FBRSL1: variants seen among roughly 807,000 people sequenced by gnomAD.
FBRSL1 encodes fibrosin-1-like protein.
A neutral mutation model predicts 89.6 loss-of-function variants in FBRSL1; 51 were observed. That is an observed-to-expected ratio of 0.57 (90% CI 0.45 to 0.72). The LOEUF (loss-of-function observed/expected upper bound fraction) is 0.72, where lower values mean the gene tolerates loss of function less well. Ranked by LOEUF, FBRSL1 falls within the 30% of genes least tolerant of loss-of-function variation. The probability of loss-of-function intolerance (pLI) is 0.00; values close to 1 mark genes in which losing one functional copy is unlikely to be tolerated. For synonymous variants in FBRSL1, 779 were observed against 681.1 expected (o/e 1.14, Z -2.24); for missense variants, 1,618 against 1,451.8 (o/e 1.11, Z -1.86).
At chr12:132,567,060 G>C (rs894152037) in intron 5 of FBRSL1, among the ~76,000 whole-genome samples, 2 of 152,176 alleles carry the variant, frequency 1.3e-5, no homozygotes, top group East Asian at 1.9e-4. Flanking sequence ...GGTGTGTCCC[G>C]GGGCTCTCCA....
intron 2 of FBRSL1, among the ~76,000 whole-genome samples, chr12:132,514,177 G>C (rs1333331382): frequency 1.3e-5 from 2 of 152,192 alleles, no homozygotes; most frequent in Non-Finnish European, 2.9e-5. Context: ...GGGATAGCAT[G>C]CTGGGCGACT....
intron 1 of FBRSL1, among the ~76,000 whole-genome samples, chr12:132,491,193 C>T (rs1412696368): frequency 1.3e-5 from 2 of 152,226 alleles, no homozygotes; most frequent in African/African-American, 4.8e-5. Context: ...ATCGCTCTGC[C>T]TGGTTCAGGA....
chr12:132,528,834 G>T (rs1187958235), intron 4 of FBRSL1, among the ~76,000 whole-genome samples: 2 of 151,460 alleles, frequency 1.3e-5, no homozygotes, highest in Non-Finnish European at 2.9e-5. Flanking sequence ...TGTGTTTCAG[G>T]GTGTGCCATG....
chr12:132,529,837 G>A (rs1158725645), intron 4 of FBRSL1, among the ~76,000 whole-genome samples: 1 of 152,222 alleles, frequency 6.6e-6, no homozygotes, highest in East Asian at 1.9e-4. Context: ...CTGTTGACCT[G>A]GGGTGGCTGG....
intron 2 of FBRSL1, among the ~76,000 whole-genome samples, chr12:132,522,250 G>C (rs1029622290): frequency 6.6e-6 from 1 of 152,138 alleles, no homozygotes; most frequent in African/African-American, 2.4e-5. Flanking sequence ...AGGCCAGGCC[G>C]CACCTGAGCC....
At chr12:132,511,027 G>C in intron 2 of FBRSL1, 1 of 986,600 alleles carries the variant, frequency 1.0e-6, no homozygotes, top group Non-Finnish European at 1.2e-6. Context: ...TGCAGTTCCT[G>C]CAGAGTGGCC....
Position 132,584,817 on chromosome 12 carries a change from TTTACACAC to T in FBRSL1, c.*1040_*1047del, listed in dbSNP as rs35704424. On this transcript the variant is annotated 3_prime_UTR_variant, in exon 19 of 19. Coordinates refer to ENST00000680143, the MANE Select transcript of FBRSL1 (RefSeq NM_001367871.1). ...GAAGTGCAAGAGTCTAAAGGCTGAT[TTTACACAC>T]ACACACACACACACACACACACACA... 12,568 of 121,610 alleles carry T rather than the reference TTTACACAC, an allele frequency of 0.1. 1,165 individuals carry two copies. Among genetic ancestry groups the T allele is most frequent in the African/African-American group, 0.28 (9,599 of 34,068 alleles). The allele number at this position is 121,610 out of a possible 1,614,324, so 7.5% of individuals were successfully genotyped here.
chr12:132,564,598 C>T (rs2039435928), intron 5 of FBRSL1, among the ~76,000 whole-genome samples: 1 of 126,598 alleles, frequency 7.9e-6, no homozygotes, highest in South Asian at 2.8e-4. Flanking sequence ...CGGGTTCACG[C>T]CATTCTCCTG....
At chr12:132,549,644 G>A (rs1048730574) in intron 5 of FBRSL1, among the ~76,000 whole-genome samples, 3 of 152,184 alleles carry the variant, frequency 2.0e-5, no homozygotes, top group Middle Eastern at 3.2e-3. Context: ...TCCCCTCCCC[G>A]CCTGCCTTAC....
chr12:132,584,518 A>AGTT lies in FBRSL1; in HGVS notation c.*741_*743dup, dbSNP rs1228039926. On this transcript the variant is annotated 3_prime_UTR_variant, in exon 19 of 19. Coordinates refer to ENST00000680143, the MANE Select transcript of FBRSL1 (RefSeq NM_001367871.1). The stretch of plus-strand genomic sequence containing the variant: ...GCTGCTGGCTGTAAACATTATCAGA[A>AGTT]GTTTAATGGCAGCAACTTTCCTTCA... 2.0e-5 allele frequency: 3 copies of AGTT among 152,244 alleles called. No homozygotes were observed. The highest frequency in any genetic ancestry group is 4.4e-5 in the Non-Finnish European group (3 of 68,046). The allele number at this position is 152,244 out of a possible 1,614,324, so 9.4% of individuals were successfully genotyped here.
chr12:132,558,431 G>A (rs950987883), intron 5 of FBRSL1, among the ~76,000 whole-genome samples: 3 of 152,246 alleles, frequency 2.0e-5, no homozygotes, highest in Admixed American at 6.5e-5. Context: ...TGTGGCTTGC[G>A]GCATGCAGTG....
At chr12:132,581,017 A>G in intron 15 of FBRSL1, 1 of 985,486 alleles carries the variant, frequency 1.0e-6, no homozygotes, top group Non-Finnish European at 1.2e-6. Flanking sequence ...AACCGTGTCC[A>G]TCCAGGCCTG....
chr12:132,561,481 G>T (rs973109961), intron 5 of FBRSL1, among the ~76,000 whole-genome samples: 10 of 152,136 alleles, frequency 6.6e-5, no homozygotes, highest in African/African-American at 2.4e-4. Context: ...TTACCCTAGA[G>T]ACGAGGGCCG....
chr12:132,575,375 C>T (rs756155089), intron 14 of FBRSL1, among the ~76,000 whole-genome samples: 24 of 152,186 alleles, frequency 1.6e-4, no homozygotes, highest in African/African-American at 5.1e-4. Flanking sequence ...CTACAGGCGA[C>T]CGTCACCACA....
chr12:132,496,458 C>G (rs1273989990), intron 1 of FBRSL1, among the ~76,000 whole-genome samples: 1 of 152,188 alleles, frequency 6.6e-6, no homozygotes, highest in Non-Finnish European at 1.5e-5. Flanking sequence ...ACTCTGGAAG[C>G]CTCGTTTCAC....
rs2039981157 is a variant in FBRSL1, at chr12:132,571,150, G to A, written c.1296G>A (p.Gln432=). 7.1e-7 allele frequency: 1 copy of A among 1,398,704 alleles called. No homozygotes were observed. The highest frequency in any genetic ancestry group is 9.3e-7 in the Non-Finnish European group (1 of 1,077,078). The allele number at this position is 1,398,704 out of a possible 1,614,324, so 86.6% of individuals were successfully genotyped here. ...HSGILIGTWS[Q]APLLPAPLGP... is the part of the protein sequence containing the mutation. ...GAATTCTGATTGGTACTTGGTCACA[G>A]GCTCCTCTCTTACCTGCACCCCTGG... Residue 432 remains glutamine, a synonymous_variant, in exon 9 of 19, where the codon CAG becomes CAA. Transcript: ENST00000680143.
rs565269449 is a variant in FBRSL1, at chr12:132,582,125, A to G, written c.2060A>G (p.His687Arg). Residue 687 changes from histidine (H) to arginine (R), a missense_variant, in exon 18 of 19, where the codon CAT becomes CGT. Physicochemically the swap from His to Arg is conservative, Grantham distance 29. Transcript: ENST00000680143. ...GSSVHGLPSP[H>R]EAWNRLHRAP... ...TCCGTGCACGGCCTGCCCAGCCCCC[A>G]TGAGGCCTGGAACCGACTGCACCGG... The G allele has an allele frequency of 2.3e-5, 36 of 1,549,724 alleles. No homozygotes were observed. In the South Asian group the frequency reaches 4.2e-4, roughly 18 times the overall value.
chr12:132,516,540 C>G (rs1279712968), intron 2 of FBRSL1, among the ~76,000 whole-genome samples: 1 of 152,214 alleles, frequency 6.6e-6, no homozygotes, highest in African/African-American at 2.4e-5. Flanking sequence ...TCCACGTTTT[C>G]TGTCTTCAGT....
rs531360832 is a variant in FBRSL1 at position 132,541,979 on chromosome 12, C to T, written c.616-6024C>T. ...AGAATAGGTGAAGCAGCCAAGCTGC[C>T]GTCTGCCCCACGAGGGCCCAGCACA... On this transcript the variant is annotated intron_variant, in intron 4 of 18. Transcript: ENST00000680143. Among the ~76,000 whole-genome samples, 9 of 152,382 alleles carry T rather than the reference C, an allele frequency of 5.9e-5. No homozygotes were observed. The South Asian group carries it at 1.4e-3, about 25-fold the overall frequency.
Sources: allele counts gnomAD v4.1 joint callset (sites outside exome capture counted in the v4.1 genomes callset), GRCh38; gene constraint gnomAD v4.1.1; transcripts MANE v1.5; gene names NCBI Gene and HGNC (gene_info 2026-07-23, HGNC 2026-07-21).